The following CA10 variants were observed in gnomAD, a reference collection of about 807,000 sequenced individuals.
The protein encoded by CA10 is carbonic anhydrase 10 (inactive).
A neutral mutation model predicts 44.2 loss-of-function variants in CA10; 14 were observed. That is an observed-to-expected ratio of 0.32 (90% CI 0.21 to 0.50). The LOEUF (loss-of-function observed/expected upper bound fraction) is 0.50, where lower values mean the gene tolerates loss of function less well. Among genes scored for constraint, CA10 ranks in the 20% least tolerant of loss-of-function variants. The pLI, the probability that CA10 is intolerant of heterozygous loss-of-function variation, is 0.99. For synonymous variants in CA10, 159 were observed against 141.6 expected, an observed-to-expected ratio of 1.12 and a Z score of -0.87; for missense variants, 350 against 409.7, an observed-to-expected ratio of 0.85 and a Z score of 1.26.
chr17:51,820,330 A>G (rs1399223174), intron 3 of CA10, among the ~76,000 whole-genome samples: 1 of 148,216 alleles, frequency 6.7e-6, no homozygotes, highest in East Asian at 2.0e-4. Flanking sequence ...TATTCAGTCA[A>G]TGTTTGTCGG....
At chr17:51,968,263 AGC>A (rs1984154127) in intron 2 of CA10, among the ~76,000 whole-genome samples, 4 of 151,960 alleles carry the variant, frequency 2.6e-5, no homozygotes, top group Non-Finnish European at 4.4e-5. Flanking sequence ...AGATATTTAT[AGC>A]AGCATTCTTC....
intron 4 of CA10, among the ~76,000 whole-genome samples, chr17:51,677,004 T>C (rs1914645873): frequency 6.6e-6 from 1 of 152,204 alleles, no homozygotes; most frequent in East Asian, 1.9e-4. Flanking sequence ...GTGTTTGTTT[T>C]AAGCCTTTCC....
chr17:51,871,783 T>C (rs1200136626), intron 3 of CA10, among the ~76,000 whole-genome samples: 1 of 152,168 alleles, frequency 6.6e-6, no homozygotes, highest in Non-Finnish European at 1.5e-5. Context: ...ACTGAGCATG[T>C]GTATGCGACA....
chr17:51,642,869 C>T (rs1355416415), intron 6 of CA10, among the ~76,000 whole-genome samples: 4 of 152,286 alleles, frequency 2.6e-5, no homozygotes, highest in Non-Finnish European at 5.9e-5. Flanking sequence ...TCTTGAACTC[C>T]TGACTTCAGG....
intron 3 of CA10, among the ~76,000 whole-genome samples, chr17:51,789,207 G>T (rs532523160): frequency 9.9e-5 from 15 of 152,168 alleles, no homozygotes; most frequent in African/African-American, 3.6e-4. Flanking sequence ...GTAGAGAGGG[G>T]GTTTCACCAC....
chr17:51,803,424 T>G (rs1907012760), intron 3 of CA10, among the ~76,000 whole-genome samples: 1 of 152,166 alleles, frequency 6.6e-6, no homozygotes, highest in African/African-American at 2.4e-5. Context: ...CACTTTCTCC[T>G]TACTCCCTCT....
chr17:52,061,282 C>CA (rs1987377872), intron 2 of CA10, among the ~76,000 whole-genome samples: 1 of 152,078 alleles, frequency 6.6e-6, no homozygotes. Flanking sequence ...ATAACAGAAG[C>CA]ACAGGCTGGA....
In CA10 at chr17:51,829,619, C is replaced by G. The variant is rs145935328; in HGVS notation, c.280-81801G>C. Among the ~76,000 whole-genome samples the G allele has an allele frequency of 3.2e-3, 482 of 152,264 alleles. 4 individuals are homozygous for G. The highest frequency in any genetic ancestry group is 0.011 in the African/African-American group (451 of 41,544). The stretch of plus-strand genomic sequence containing the variant: ...GGGAAAGTAGCATTTACTTAGGTAC[C>G]TAGTATATGCCAGGCATGTGCTAGA... On this transcript the variant is annotated intron_variant, in intron 3 of 8. Coordinates refer to ENST00000451037, the MANE Select transcript of CA10 (RefSeq NM_020178.5).
chr17:51,658,384 T>G (rs1913879787), intron 4 of CA10, among the ~76,000 whole-genome samples: 1 of 152,216 alleles, frequency 6.6e-6, no homozygotes, highest in Non-Finnish European at 1.5e-5. Flanking sequence ...GATTTTGACT[T>G]ACTTACAGAT....
At chr17:52,055,537 A>G (rs1250982208) in intron 2 of CA10, among the ~76,000 whole-genome samples, 1 of 152,090 alleles carries the variant, frequency 6.6e-6, no homozygotes, top group Non-Finnish European at 1.5e-5. Flanking sequence ...GGAGGCTCCA[A>G]GAATGTATTC....
intron 3 of CA10, among the ~76,000 whole-genome samples, chr17:51,795,229 G>A (rs1429913343): frequency 6.6e-6 from 1 of 152,002 alleles, no homozygotes; most frequent in Non-Finnish European, 1.5e-5. Flanking sequence ...GACCTTCCTG[G>A]GCTTGATCCA....
chr17:52,148,151 T>C (rs73987495), intron 1 of CA10, among the ~76,000 whole-genome samples: 1,841 of 152,308 alleles, frequency 0.012, 26 homozygotes, highest in African/African-American at 0.039. Flanking sequence ...TTTCCTGTAT[T>C]GCTCTGCATC....
At chr17:51,738,310 A>G (rs549491515) in intron 4 of CA10, among the ~76,000 whole-genome samples, 2 of 152,316 alleles carry the variant, frequency 1.3e-5, no homozygotes, top group South Asian at 4.1e-4. Flanking sequence ...CAGCACATCC[A>G]TGGAGCAGCT....
At chr17:51,776,763 T>C (rs923807343) in intron 3 of CA10, among the ~76,000 whole-genome samples, 2 of 152,250 alleles carry the variant, frequency 1.3e-5, no homozygotes, top group South Asian at 2.1e-4. Context: ...GTCAGTTGTT[T>C]GCACTAGCCC....
At chr17:52,101,310 G>A (rs950223653) in intron 1 of CA10, among the ~76,000 whole-genome samples, 3 of 152,082 alleles carry the variant, frequency 2.0e-5, no homozygotes, top group Non-Finnish European at 4.4e-5. Flanking sequence ...ATGAGATGGC[G>A]AAGCACCATC....
At chr17:51,951,480 G>A (rs1345808247) in intron 2 of CA10, among the ~76,000 whole-genome samples, 1 of 151,918 alleles carries the variant, frequency 6.6e-6, no homozygotes, top group Non-Finnish European at 1.5e-5. Flanking sequence ...TAACTCTTAG[G>A]GCTTAGTTGC....
intron 3 of CA10, among the ~76,000 whole-genome samples, chr17:51,842,313 A>G (rs1978328850): frequency 6.6e-6 from 1 of 152,230 alleles, no homozygotes; most frequent in Non-Finnish European, 1.5e-5. Context: ...GCTCAAGAAG[A>G]TACACTGATT....
chr17:51,779,357 T>G (rs1905954988), intron 3 of CA10, among the ~76,000 whole-genome samples: 1 of 152,120 alleles, frequency 6.6e-6, no homozygotes, highest in South Asian at 2.1e-4. Flanking sequence ...AATGACTCAT[T>G]ACAAATTCTG....
intron 3 of CA10, among the ~76,000 whole-genome samples, chr17:51,909,171 AG>A (rs1981688191): frequency 6.6e-6 from 1 of 152,126 alleles, no homozygotes; most frequent in South Asian, 2.1e-4. Context: ...AGAAGGTGAA[AG>A]GTGTACTGAG....
Sources: allele counts gnomAD v4.1 joint callset (sites outside exome capture counted in the v4.1 genomes callset), GRCh38; gene constraint gnomAD v4.1.1; transcripts MANE v1.5; gene names NCBI Gene and HGNC (gene_info 2026-07-23, HGNC 2026-07-21).